TEX14: variants seen among roughly 807,000 people sequenced by gnomAD.
TEX14 encodes the protein inactive serine/threonine-protein kinase TEX14.
TEX14 carries 168 observed loss-of-function variants against 178.6 expected under a neutral mutation model. The observed-to-expected ratio is 0.94, with a 90% CI of 0.83 to 1.07. The LOEUF is 1.07. TEX14 is among the 50% of genes least tolerant of loss of function. The probability of loss-of-function intolerance (pLI) is 0.00; values close to 1 mark genes in which losing one functional copy is unlikely to be tolerated. For missense variants in TEX14, 1,730 were observed against 1,753.6 expected, an observed-to-expected ratio of 0.99 and a Z score of 0.24; for synonymous variants, 626 against 634.1, an observed-to-expected ratio of 0.99 and a Z score of 0.19.
chr17:58,680,523 C>T (rs1004526182), intron 1 of TEX14, among the ~76,000 whole-genome samples: 7 of 152,248 alleles, frequency 4.6e-5, no homozygotes, highest in African/African-American at 1.7e-4. Flanking sequence ...GGGCAGATCA[C>T]TTGAGGTCAG....
intron 23 of TEX14, 84 bp from the exon 24 acceptor site, chr17:58,572,210 T>C: frequency 1.1e-6 from 1 of 889,588 alleles, no homozygotes; most frequent in Non-Finnish European, 1.8e-6. Flanking sequence ...TTTTGTTTTT[T>C]CTGCCCCAAT....
chr17:58,561,682 C>G, intron 28 of TEX14, 70 bp from the exon 29 acceptor site: 1 of 1,027,102 alleles, frequency 9.7e-7, no homozygotes, highest in Non-Finnish European at 1.5e-6. Context: ...AGATGCATAA[C>G]ACTTTAGAGT....
chr17:58,585,143 G>C (rs1174910058), intron 18 of TEX14, among the ~76,000 whole-genome samples: 2 of 152,124 alleles, frequency 1.3e-5, no homozygotes, highest in East Asian at 3.8e-4. Flanking sequence ...ACAATGCAGA[G>C]ACATGGGCAG....
intron 31 of TEX14, 40 bp from the exon 32 acceptor site, chr17:58,557,087 G>A (rs771752677): frequency 9.1e-6 from 14 of 1,540,222 alleles, no homozygotes; most frequent in South Asian, 2.2e-5. Context: ...AGGAAGTTTC[G>A]AGTTGGTATG....
At position 58,613,508 on chromosome 17, in the gene TEX14, A is replaced by G. The variant is rs778374570; in HGVS notation, c.918T>C (p.Ala306=). 33 of 1,614,192 alleles carry G rather than the reference A, an allele frequency of 2.0e-5. 1 individual carries two copies. The highest frequency in any genetic ancestry group is 3.3e-5 in the South Asian group (3 of 91,086). ...TCTCTAGGTCCTGGGAGAGACACAC[A>G]GCCATCAACTGTAGCAAGTAGGGGT... ...LRHPYLLQLM[A]VCLSQDLEKT... Residue 306 remains alanine, a synonymous_variant, in exon 9 of 32, where the codon GCT becomes GCC. Coordinates refer to ENST00000349033, the MANE Select transcript of TEX14 (RefSeq NM_031272.5).
intron 1 of TEX14, chr17:58,675,390 G>T: frequency 1.3e-5 from 2 of 154,766 alleles, no homozygotes; most frequent in South Asian, 3.5e-4. Context: ...GCAGAACAAA[G>T]AGAATGCTGG....
Position 58,577,491 on chromosome 17 carries a change from T to A in TEX14, c.3239-35A>T, listed in dbSNP as rs9908490. 2,102 of 751,460 alleles carry A rather than the reference T, an allele frequency of 2.8e-3. 11 individuals carry two copies. Among genetic ancestry groups the A allele is most frequent in the Admixed American group, 0.018 (474 of 26,456 alleles). The allele number at this position is 751,460 out of a possible 1,614,324, so 46.5% of individuals were successfully genotyped here. Reference sequence around the variant, plus strand: ...TAAAGTTAAAAATATATATATATATTTTTTTTTACTGAATCTTTGTCAACC... The same window carrying A: ...TAAAGTTAAAAATATATATATATATATTTTTTTACTGAATCTTTGTCAACC... On this transcript the variant is annotated intron_variant, in intron 20 of 31. Transcript: ENST00000349033.
chr17:58,632,894 G>C (rs1352295990), intron 2 of TEX14, among the ~76,000 whole-genome samples: 1 of 152,138 alleles, frequency 6.6e-6, no homozygotes, highest in African/African-American at 2.4e-5. Context: ...GATGCTAGGA[G>C]ATAAATTATA....
chr17:58,613,442 C>A lies in TEX14; in HGVS notation c.984G>T (p.Leu328Phe). The change falls in exon 9 of 32, where the codon TTG (leucine) becomes TTT (phenylalanine). Residue 328 changes from leucine to phenylalanine, a missense_variant. By Grantham distance (22) the Leu-to-Phe change is conservative (BLOSUM62 0). Around this residue, in one of 2 missense-constraint regions of TEX14, gnomAD observed 789 missense variants for 681.2 expected, o/e 1.16. Transcript: ENST00000349033. ...TTACTCGTTCATGAAGGACACTGAA[C>A]AATGTGCCGATAGTGATGCGCTCGT... ...LVYERITIGT[L>F]FSVLHERRSQ... is the part of the protein sequence containing the mutation. 6.2e-7 allele frequency: 1 copy of A among 1,613,976 alleles called. No individual in the cohort carries two copies. The highest frequency in any genetic ancestry group is 8.5e-7 in the Non-Finnish European group (1 of 1,180,006).
Position 58,559,512 on chromosome 17 carries a change from TC to T in TEX14, c.4207del (p.Glu1403LysfsTer15), listed in dbSNP as rs2044227582. The T allele has an allele frequency of 1.3e-6, 2 of 1,578,898 alleles. No individual in the cohort carries two copies. Among genetic ancestry groups the T allele is most frequent in the African/African-American group, 1.4e-5 (1 of 73,964 alleles). On this transcript the variant is annotated frameshift_variant, in exon 30 of 32. Coordinates refer to ENST00000349033, the MANE Select transcript of TEX14 (RefSeq NM_031272.5). LOFTEE classifies it high-confidence loss of function. The part of the protein sequence containing the change: ...QKVGEEKRKR[E>X]DSITPERRKS... The stretch of plus-strand genomic sequence containing the variant: ...CCTTCTTTCTGGTGTAATGCTATCT[TC>T]CCTTTTTCTTTTCTCTTCACCAACT...
chr17:58,618,542 C>T (rs928952355), intron 5 of TEX14, among the ~76,000 whole-genome samples: 1 of 152,214 alleles, frequency 6.6e-6, no homozygotes, highest in Non-Finnish European at 1.5e-5. Flanking sequence ...TGGTGCCATG[C>T]AGTAGGTGCT....
At chr17:58,574,036 A>G (rs2044610089) in intron 22 of TEX14, 151 bp downstream of exon 22, 1 of 653,642 alleles carries the variant, frequency 1.5e-6, no homozygotes, top group Non-Finnish European at 2.7e-6. Flanking sequence ...CATATCACCA[A>G]TTTGATAACA....
chr17:58,581,495 A>G (rs1414251635), intron 19 of TEX14: 2 of 1,189,712 alleles, frequency 1.7e-6, no homozygotes, highest in Non-Finnish European at 2.4e-6. Context: ...CAAAAAAGGT[A>G]TAAAAAATCC....
rs141274642 is a variant in TEX14, at chr17:58,595,484, C to T, written c.2470-1823G>A. On this transcript the variant is annotated intron_variant, in intron 14 of 31. Transcript: ENST00000349033. The stretch of plus-strand genomic sequence containing the variant: ...GTGAATTTCTTCGATCAACAGAAAG[C>T]AGCGAAAGTGATACAATCCTAGGGT... Among the ~76,000 whole-genome samples, 16 of 152,292 alleles carry T rather than the reference C, an allele frequency of 1.1e-4. No individual in the cohort carries two copies. The East Asian group carries it at 3.1e-3, about 29-fold the overall frequency.
chr17:58,629,153 G>A (rs1276337115), intron 3 of TEX14, among the ~76,000 whole-genome samples: 1 of 152,136 alleles, frequency 6.6e-6, no homozygotes, highest in African/African-American at 2.4e-5. Flanking sequence ...AGCAAAAGCC[G>A]AAGTGCTTCA....
intron 20 of TEX14, among the ~76,000 whole-genome samples, chr17:58,578,174 C>G (rs2044724932): frequency 6.6e-6 from 1 of 152,140 alleles, no homozygotes; most frequent in African/African-American, 2.4e-5. Context: ...ACTAAGAAGG[C>G]CCATCAGAAC....
At chr17:58,652,139 T>G in intron 1 of TEX14, 137 bp from the exon 2 acceptor site, 1 of 628,688 alleles carries the variant, frequency 1.6e-6, no homozygotes, top group African/African-American at 1.9e-5. Flanking sequence ...ATTGAAACTC[T>G]ATGAGATTAA....
intron 19 of TEX14, among the ~76,000 whole-genome samples, chr17:58,582,420 C>T (rs1006835864): frequency 4.6e-5 from 7 of 151,624 alleles, no homozygotes; most frequent in African/African-American, 1.7e-4. Flanking sequence ...CCACCATGCC[C>T]AGCTAATTTT....
At chr17:58,679,875 G>A (rs973012043) in intron 1 of TEX14, among the ~76,000 whole-genome samples, 1 of 151,928 alleles carries the variant, frequency 6.6e-6, no homozygotes, top group Non-Finnish European at 1.5e-5. Context: ...ATAAGCCTAG[G>A]GTGCAAATAG....
Sources: gnomAD v4.1 joint callset for allele counts (sites outside exome capture counted in the v4.1 genomes callset) on GRCh38, gnomAD v4.1.1 for gene constraint, gnomAD v4.1.1 regional missense constraint, MANE v1.5 for transcripts, NCBI Gene and HGNC (gene_info 2026-07-23, HGNC 2026-07-21) for gene names.